The following TNN variants were observed in gnomAD, a reference collection of about 807,000 sequenced individuals.
TNN encodes the protein tenascin N.
Under a neutral mutation model 134.4 loss-of-function variants are expected in TNN, and 122 were observed. The observed-to-expected ratio is 0.91, with a 90% CI of 0.78 to 1.06. The LOEUF (loss-of-function observed/expected upper bound fraction) is 1.06. TNN is among the 50% of genes least tolerant of loss of function. The pLI is 0.00. For synonymous variants in TNN, 710 were observed against 670.3 expected (o/e 1.06, Z -0.91); for missense variants, 1,739 against 1,699.4 (o/e 1.02, Z -0.41).
At chr1:175,145,566 A>AAAAAAAAAAAAAAAAAAAAAAAAAAC (rs1676044227) in intron 18 of TNN, among the ~76,000 whole-genome samples, 1 of 148,104 alleles carries the variant, frequency 6.8e-6, no homozygotes, top group Non-Finnish European at 1.5e-5. Context: ...AAAAAAAAAA[A>AAAAAAAAAAAAAAAAAAAAAAAAAAC]AAAAAAAAAG....
Position 175,144,369 on chromosome 1 carries a change from G to A in TNN, c.3596-18G>A, listed in dbSNP as rs187268191. On this transcript the variant is annotated intron_variant, in intron 17 of 18. Coordinates refer to ENST00000239462, the MANE Select transcript of TNN (RefSeq NM_022093.2). ...TGGCTAACCCTGGGCTCTCGCCTCC[G>A]TCTCTTCTCTCCTGCAGGGGATGCT... 1.9e-4 allele frequency: 312 copies of A among 1,611,386 alleles called. 1 individual carries two copies. The East Asian group carries it at 4.6e-3, about 24-fold the overall frequency.
chr1:175,116,782 T>A (rs1675188843), intron 9 of TNN, among the ~76,000 whole-genome samples, 157 bp from the exon 10 acceptor site: 1 of 152,206 alleles, frequency 6.6e-6, no homozygotes, highest in African/African-American at 2.4e-5. Flanking sequence ...AATCCAGCTG[T>A]GGGGATAAGG....
At chr1:175,101,755 G>T (rs1054526514) in intron 9 of TNN, among the ~76,000 whole-genome samples, 1 of 149,188 alleles carries the variant, frequency 6.7e-6, no homozygotes, top group Admixed American at 6.7e-5. Context: ...TAAACACAGG[G>T]TGCTGATTGG....
intron 15 of TNN, among the ~76,000 whole-genome samples, chr1:175,132,119 T>G (rs1574175536): frequency 1.3e-5 from 2 of 152,162 alleles, no homozygotes; most frequent in South Asian, 2.1e-4. Context: ...ACATCGGTGC[T>G]ACATGTATCC....
Position 175,117,034 on chromosome 1 carries a change from G to GCCCC in TNN, c.2215_2216insCCCC (p.Val739AlafsTer24), listed in dbSNP as rs773954807. 3 of 1,614,124 alleles carry GCCCC rather than the reference G, an allele frequency of 1.9e-6. No homozygotes were observed. The highest frequency in any genetic ancestry group is 2.7e-5 in the African/African-American group (2 of 74,926). Reference sequence around the variant, plus strand: ...GGTGCGGGCCACCATTGACAGGTATGTGGTGCGCTACACCTCTGCCAAGGA... The same window carrying GCCCC: ...GGTGCGGGCCACCATTGACAGGTATGCCCCTGGTGCGCTACACCTCTGCCAAGGA... On this transcript the variant is annotated frameshift_variant, in exon 10 of 19. Transcript: ENST00000239462. LOFTEE classifies it high-confidence loss of function.
chr1:175,134,940 C>T (rs897453603), intron 15 of TNN, among the ~76,000 whole-genome samples: 1 of 152,202 alleles, frequency 6.6e-6, no homozygotes, highest in African/African-American at 2.4e-5. Context: ...ATTTCCAGCG[C>T]TCTTACCTGG....
At chr1:175,076,776 T>A (rs1037869808) in intron 1 of TNN, among the ~76,000 whole-genome samples, 2 of 152,144 alleles carry the variant, frequency 1.3e-5, no homozygotes, top group Non-Finnish European at 2.9e-5. Flanking sequence ...GAGCATGGAC[T>A]CTGGGGTCAG....
Position 175,093,996 on chromosome 1 carries a change from A to G in TNN, c.1331A>G (p.Asp444Gly). The G allele has an allele frequency of 1.3e-6, 2 of 1,589,090 alleles. No individual in the cohort carries two copies. Among genetic ancestry groups the G allele is most frequent in the African/African-American group, 1.3e-5 (1 of 74,594 alleles). ...CTCATGTGTTTTTATGAAGAAATTG[A>G]CAGTCCAACCAATGTTGTCACTGAT... ...PILLNGRTEI[D>G]SPTNVVTDRV... Residue 444 changes from aspartate to glycine, a missense_variant, in exon 7 of 19, where the codon GAC (aspartate) becomes GGC (glycine). Physicochemically the swap from Asp to Gly is moderately conservative, Grantham distance 94. Transcript: ENST00000239462.
chr1:175,146,820 G>T (rs563509179), intron 18 of TNN, 111 bp from the exon 19 acceptor site: 1 of 1,049,880 alleles, frequency 9.5e-7, no homozygotes, highest in East Asian at 2.7e-5. Context: ...AGCAGAGAGG[G>T]AGTGGTTTCA....
At chr1:175,137,811 C>T (rs539883693) in intron 17 of TNN, among the ~76,000 whole-genome samples, 1 of 152,290 alleles carries the variant, frequency 6.6e-6, no homozygotes, top group East Asian at 1.9e-4. Context: ...GAATGTGTTA[C>T]CAGCCAGACT....
intron 18 of TNN, 22 bp from the exon 19 acceptor site, chr1:175,146,909 G>T: frequency 1.8e-6 from 2 of 1,094,728 alleles, no homozygotes; most frequent in East Asian, 2.6e-5. Flanking sequence ...TCTTGATGTG[G>T]CTTTTTTTTT....
rs1674630205 is a variant in TNN, at chr1:175,098,472, G to A, written c.1996G>A (p.Val666Met). 6 of 1,614,088 alleles carry A rather than the reference G, an allele frequency of 3.7e-6. No homozygotes were observed. Among genetic ancestry groups the A allele is most frequent in the African/African-American group, 2.7e-5 (2 of 74,928 alleles). The change falls in exon 9 of 19, where the codon GTG becomes ATG. Residue 666 changes from valine to methionine, a missense_variant. Val to Met is a conservative substitution (Grantham distance 21). Coordinates refer to ENST00000239462, the MANE Select transcript of TNN (RefSeq NM_022093.2). ...SAGGETREVP[V>M]GKEQSSTVLT... ...TGGTGGAGAGACCAGGGAGGTTCCG[G>A]TGGGGAAGGAGCAGAGCAGCACAGT...
intron 7 of TNN, among the ~76,000 whole-genome samples, chr1:175,094,764 C>A (rs990961799): frequency 6.6e-6 from 1 of 152,194 alleles, no homozygotes; most frequent in Non-Finnish European, 1.5e-5. Context: ...CAGTTTGCGC[C>A]TGCAGGGGTC....
intron 9 of TNN, among the ~76,000 whole-genome samples, chr1:175,111,003 T>C (rs573520268): frequency 6.7e-6 from 1 of 149,132 alleles, no homozygotes; most frequent in Non-Finnish European, 1.5e-5. Context: ...GGTGAAACCC[T>C]GTTTCTACTA....
At chr1:175,122,038 G>T (rs1675390642) in intron 11 of TNN, among the ~76,000 whole-genome samples, 1 of 152,178 alleles carries the variant, frequency 6.6e-6, no homozygotes, top group Non-Finnish European at 1.5e-5. Context: ...CATCCAGTTG[G>T]TATTTAAAGC....
chr1:175,146,877 T>C, intron 18 of TNN, 54 bp from the exon 19 acceptor site: 1 of 1,460,568 alleles, frequency 6.8e-7, no homozygotes, highest in South Asian at 1.5e-5. Flanking sequence ...TAACCCACCC[T>C]GCCCTCCTCC....
intron 1 of TNN, among the ~76,000 whole-genome samples, chr1:175,074,704 G>C (rs1673998016): frequency 6.6e-6 from 1 of 152,118 alleles, no homozygotes; most frequent in African/African-American, 2.4e-5. Flanking sequence ...GAGTGGGAGG[G>C]CAAAGGGGTA....
At chr1:175,135,616 C>G (rs1406810755) in intron 15 of TNN, among the ~76,000 whole-genome samples, 1 of 152,224 alleles carries the variant, frequency 6.6e-6, no homozygotes, top group Non-Finnish European at 1.5e-5. Flanking sequence ...GGGCAGGAAC[C>G]TTCTCTGCTT....
In TNN at chr1:175,094,292, G is replaced by T. The variant is rs772924735; in HGVS notation, c.1588+39G>T. Reference sequence around the variant, plus strand: ...GGGAGCATAAATAGGTTTCCTCATGGCAGGGAGAAGGTTGATTTTTGAATC... The same window carrying T: ...GGGAGCATAAATAGGTTTCCTCATGTCAGGGAGAAGGTTGATTTTTGAATC... On this transcript the variant is annotated intron_variant, in intron 7 of 18. Transcript: ENST00000239462. 4.0e-6 allele frequency: 6 copies of T among 1,484,052 alleles called. No homozygotes were observed. In the African/African-American group the frequency reaches 7.0e-5, roughly 17 times the overall value. The allele number at this position is 1,484,052 out of a possible 1,614,324, so 91.9% of individuals were successfully genotyped here. A position where few individuals can be genotyped will look rare whatever the true frequency, so the allele number is the denominator to read the frequency against.
Sources: allele counts gnomAD v4.1 joint callset (sites outside exome capture counted in the v4.1 genomes callset), GRCh38; gene constraint gnomAD v4.1.1; transcripts MANE v1.5; gene names NCBI Gene and HGNC (gene_info 2026-07-23, HGNC 2026-07-21).